The following DLGAP1 variants were observed in gnomAD, a reference collection of about 807,000 sequenced individuals.
DLGAP1 encodes disks large-associated protein 1.
A neutral mutation model predicts 90.8 loss-of-function variants in DLGAP1; 11 were observed. The ratio of observed to expected loss-of-function variants is 0.12; its 90% CI spans 0.08 to 0.20. The LOEUF (loss-of-function observed/expected upper bound fraction) is 0.20, where lower values mean the gene tolerates loss of function less well. DLGAP1 is among the 10% of genes least tolerant of loss of function. DLGAP1 has a pLI of 1.00. For missense variants in DLGAP1, 1,050 were observed against 1,333.8 expected (o/e 0.79, Z 3.31); for synonymous variants, 558 against 540.7 (o/e 1.03, Z -0.44).
chr18:3,743,305 T>A (rs2063133787), intron 5 of DLGAP1, among the ~76,000 whole-genome samples: 1 of 152,112 alleles, frequency 6.6e-6, no homozygotes, highest in East Asian at 1.9e-4. Flanking sequence ...TCCTCAGTCC[T>A]TCTATTCATA....
chr18:4,305,093 CA>C (rs2080217059), intron 1 of DLGAP1, among the ~76,000 whole-genome samples: 1 of 152,002 alleles, frequency 6.6e-6, no homozygotes, highest in African/African-American at 2.4e-5. Flanking sequence ...TTGTTCCTAT[CA>C]TGTGCCAGGA....
intron 1 of DLGAP1, among the ~76,000 whole-genome samples, chr18:4,226,414 G>A (rs1487343572): frequency 6.6e-6 from 1 of 151,918 alleles, no homozygotes; most frequent in Non-Finnish European, 1.5e-5. Flanking sequence ...TTGTAACTGT[G>A]GTGGGTAAAC....
rs530086081 is a variant in DLGAP1 at position 3,523,580 on chromosome 18, G to T, written c.2479+10614C>A. 1.8e-4 allele frequency among the ~76,000 whole-genome samples: 27 copies of T among 152,180 alleles called. No homozygotes were observed. In the East Asian group the frequency reaches 3.7e-3, roughly 21 times the overall value. ...GGCAAAGGTCCGACCAGGTGCGGTG[G>T]CTCACGCCTGTAATCCCAGCACTTT... is the stretch of plus-strand genomic sequence containing the variant. On this transcript the variant is annotated intron_variant, in intron 10 of 12. Coordinates refer to ENST00000315677, the MANE Select transcript of DLGAP1 (RefSeq NM_004746.4).
intron 1 of DLGAP1, among the ~76,000 whole-genome samples, chr18:4,302,815 C>T (rs767707886): frequency 2.6e-5 from 4 of 152,142 alleles, no homozygotes; most frequent in African/African-American, 4.8e-5. Context: ...GTAGCATGAA[C>T]ATTTTAACAA....
At chr18:3,945,696 T>A (rs1406393730) in intron 3 of DLGAP1, among the ~76,000 whole-genome samples, 1 of 152,196 alleles carries the variant, frequency 6.6e-6, no homozygotes, top group Admixed American at 6.5e-5. Context: ...GATGAGTTAG[T>A]GGGTGCAGCA....
intron 2 of DLGAP1, among the ~76,000 whole-genome samples, chr18:4,150,912 A>C (rs1252992185): frequency 2.0e-5 from 3 of 152,220 alleles, no homozygotes; most frequent in Non-Finnish European, 4.4e-5. Context: ...GCATGTGCCC[A>C]ATATGCCGTT....
intron 10 of DLGAP1, among the ~76,000 whole-genome samples, chr18:3,515,315 G>A (rs1344295164): frequency 6.6e-6 from 1 of 151,404 alleles, no homozygotes; most frequent in Admixed American, 6.6e-5. Context: ...CTAAAAAATA[G>A]AAAAAATTAG....
chr18:4,018,145 T>A (rs1042885806), intron 2 of DLGAP1, among the ~76,000 whole-genome samples: 13 of 152,200 alleles, frequency 8.5e-5, no homozygotes, highest in African/African-American at 2.7e-4. Flanking sequence ...TTACTCTGAC[T>A]TAGGTTTGCT....
intron 4 of DLGAP1, chr18:3,845,274 T>C (rs755561861): frequency 6.2e-7 from 1 of 1,612,938 alleles, no homozygotes; most frequent in Non-Finnish European, 8.5e-7. Context: ...TATGGAAAAT[T>C]AAGTTCATTA....
At chr18:4,361,961 G>A (rs2081639704) in intron 1 of DLGAP1, among the ~76,000 whole-genome samples, 2 of 152,080 alleles carry the variant, frequency 1.3e-5, no homozygotes, top group Admixed American at 6.5e-5. Flanking sequence ...ATATACGCAT[G>A]GCCAAAAGGC....
chr18:3,720,643 C>T (rs1320581942), intron 7 of DLGAP1, among the ~76,000 whole-genome samples: 1 of 152,078 alleles, frequency 6.6e-6, no homozygotes, highest in African/African-American at 2.4e-5. Context: ...GTGTTAATTA[C>T]ATGGACAATT....
intron 3 of DLGAP1, among the ~76,000 whole-genome samples, chr18:3,954,018 T>A (rs2073038345): frequency 6.6e-6 from 1 of 152,240 alleles, no homozygotes; most frequent in African/African-American, 2.4e-5. Flanking sequence ...ACTTCTAACA[T>A]TACTGTTATA....
intron 7 of DLGAP1, among the ~76,000 whole-genome samples, chr18:3,626,136 T>TA (rs1482786183): frequency 2.0e-5 from 3 of 151,346 alleles, no homozygotes; most frequent in Non-Finnish European, 2.9e-5. Flanking sequence ...CTCTACAAAA[T>TA]AAAAAAATTA....
intron 1 of DLGAP1, among the ~76,000 whole-genome samples, chr18:4,307,777 A>T (rs988008264): frequency 3.5e-5 from 5 of 142,378 alleles, no homozygotes; most frequent in African/African-American, 1.3e-4. Context: ...GTGCAGTGGC[A>T]TGATCTCAGC....
intron 7 of DLGAP1, among the ~76,000 whole-genome samples, chr18:3,672,365 G>T (rs921610942): frequency 6.6e-6 from 1 of 151,836 alleles, no homozygotes; most frequent in African/African-American, 2.4e-5. Context: ...ATCACCTGAG[G>T]TCAGGAGTTC....
At chr18:3,993,040 C>T (rs1359971839) in intron 3 of DLGAP1, 2 of 151,252 alleles carry the variant, frequency 1.3e-5, no homozygotes, top group African/African-American at 4.9e-5. Context: ...ACAAAATAGC[C>T]TCCCCCTGGC....
intron 3 of DLGAP1, among the ~76,000 whole-genome samples, chr18:3,972,679 C>T (rs1301738143): frequency 6.6e-6 from 1 of 152,100 alleles, no homozygotes; most frequent in Non-Finnish European, 1.5e-5. Context: ...GCACCACTGT[C>T]CACGTAGGAA....
At chr18:4,233,590 C>T (rs905120791) in intron 1 of DLGAP1, among the ~76,000 whole-genome samples, 7 of 152,110 alleles carry the variant, frequency 4.6e-5, no homozygotes, top group African/African-American at 1.7e-4. Context: ...TGTAAAGTTA[C>T]TGTTTCTCCT....
chr18:3,891,055 A>C (rs2148856532), intron 3 of DLGAP1, among the ~76,000 whole-genome samples: 1 of 152,352 alleles, frequency 6.6e-6, no homozygotes, highest in East Asian at 1.9e-4. Flanking sequence ...TGCACTGGGC[A>C]CTGTAGCAAG....
Sources: gnomAD v4.1 joint callset for allele counts (sites outside exome capture counted in the v4.1 genomes callset) on GRCh38, gnomAD v4.1.1 for gene constraint, MANE v1.5 for transcripts, NCBI Gene and HGNC (gene_info 2026-07-23, HGNC 2026-07-21) for gene names.